Variants in RFC3 observed in about 807,000 individuals in gnomAD.
RFC3 encodes the protein A1 38 kDa subunit.
A neutral mutation model predicts 45.1 loss-of-function variants in RFC3; 41 were observed. The ratio of observed to expected loss-of-function variants is 0.91; its 90% CI spans 0.71 to 1.18. The LOEUF is 1.18. Ranked by LOEUF, RFC3 falls within the 50% of genes most tolerant of loss-of-function variation. RFC3 has a pLI of 0.00. For missense variants in RFC3, 423 were observed against 428.1 expected, an observed-to-expected ratio of 0.99 and a Z score of 0.10; for synonymous variants, 149 against 144.0, an observed-to-expected ratio of 1.03 and a Z score of -0.25.
At chr13:33,876,032 T>C (rs995829545) in intron 8 of RFC3, among the ~76,000 whole-genome samples, 3 of 152,226 alleles carry the variant, frequency 2.0e-5, no homozygotes, top group Non-Finnish European at 2.9e-5. Context: ...ACTACTGATA[T>C]CCGTTATCCT....
intron 8 of RFC3, among the ~76,000 whole-genome samples, chr13:33,917,999 TG>T (rs2082744060): frequency 6.6e-6 from 1 of 152,114 alleles, no homozygotes. Flanking sequence ...CTGTTAAGTA[TG>T]TAACATATGC....
intron 8 of RFC3, among the ~76,000 whole-genome samples, chr13:33,887,313 T>G (rs1017833789): frequency 6.6e-6 from 1 of 151,428 alleles, no homozygotes; most frequent in Non-Finnish European, 1.5e-5. Flanking sequence ...CCTGACTTTT[T>G]AATGATTGCC....
intron 8 of RFC3, among the ~76,000 whole-genome samples, chr13:33,947,265 G>C (rs1459221924): frequency 6.6e-6 from 1 of 152,184 alleles, no homozygotes; most frequent in Non-Finnish European, 1.5e-5. Context: ...AGTCTCATGA[G>C]ATCTGATGGT....
At chr13:33,953,945 G>A (rs2083005595) in intron 8 of RFC3, among the ~76,000 whole-genome samples, 1 of 152,170 alleles carries the variant, frequency 6.6e-6, no homozygotes, top group African/African-American at 2.4e-5. Flanking sequence ...TCCCTTTTAA[G>A]TTTAAAAGAT....
chr13:33,853,407 G>T (rs1170320725), intron 8 of RFC3, among the ~76,000 whole-genome samples: 1 of 152,140 alleles, frequency 6.6e-6, no homozygotes, highest in Non-Finnish European at 1.5e-5. Flanking sequence ...TCAACTAAAT[G>T]ACATTATTAG....
intron 3 of RFC3, among the ~76,000 whole-genome samples, chr13:33,824,242 A>G (rs1274055691): frequency 6.6e-6 from 1 of 152,122 alleles, no homozygotes; most frequent in Non-Finnish European, 1.5e-5. Flanking sequence ...CACACAGTAC[A>G]TTGTATTGTC....
At position 33,899,184 on chromosome 13, in the gene RFC3, CA is replaced by C. The variant is rs1156923497; in HGVS notation, c.879+63968del. On this transcript the variant is annotated intron_variant, in intron 8 of 8. Transcript: ENST00000434425. ...GCCAGCATTACCCTGATAACAAAAC[CA>C]GACGAAGACACAATAAGACAAAAAA... 7.1e-4 allele frequency among the ~76,000 whole-genome samples: 78 copies of C among 109,436 alleles called. No homozygotes were observed. In the Admixed American group the frequency reaches 7.8e-3, roughly 11 times the overall value. 71.8% of individuals were successfully genotyped at this position (109,436 alleles called of 152,430 possible). A position where few individuals can be genotyped will look rare whatever the true frequency, so the allele number is the denominator to read the frequency against.
intron 8 of RFC3, among the ~76,000 whole-genome samples, chr13:33,876,325 G>A (rs80212977): frequency 0.014 from 2,162 of 152,206 alleles, 55 homozygotes; most frequent in African/African-American, 0.046. Context: ...CTCCCTGAAG[G>A]CAAAAAGCAC....
rs976010281 is a variant in RFC3, at chr13:33,844,181, T to A, written c.879+8964T>A. Reference sequence around the variant, plus strand: ...GTTCAAGCTCTCTTGTTCTCTCTTTTAAAGGATTGCCTCTATCATTTTGTA... The same window carrying A: ...GTTCAAGCTCTCTTGTTCTCTCTTTAAAAGGATTGCCTCTATCATTTTGTA... On this transcript the variant is annotated intron_variant, in intron 8 of 8. Transcript: ENST00000434425. 2.0e-5 allele frequency among the ~76,000 whole-genome samples: 3 copies of A among 152,248 alleles called. 1 individual carries two copies. The highest frequency in any genetic ancestry group is 2.0e-4 in the Admixed American group (3 of 15,286).
At position 33,906,942 on chromosome 13, in the gene RFC3, C is replaced by T. The variant is rs374119436; in HGVS notation, c.880-59145C>T. Among the ~76,000 whole-genome samples, 15 of 152,170 alleles carry T rather than the reference C, an allele frequency of 9.9e-5. No individual in the cohort carries two copies. In the East Asian group the frequency reaches 1.7e-3, roughly 18 times the overall value. On this transcript the variant is annotated intron_variant, in intron 8 of 8. Coordinates refer to the RFC3 transcript ENST00000434425. ...GTCCCGAGTTCAGGTGGTCTTTCCA[C>T]CTCAGCCTCCAAAGTAGCTGAGACT...
intron 8 of RFC3, among the ~76,000 whole-genome samples, chr13:33,870,417 G>A (rs544186534): frequency 6.6e-6 from 1 of 152,316 alleles, no homozygotes; most frequent in African/African-American, 2.4e-5. Context: ...GGCAAAATAA[G>A]AAATAGCTGA....
intron 8 of RFC3, among the ~76,000 whole-genome samples, chr13:33,908,174 A>AAC (rs1180412121): frequency 4.6e-5 from 7 of 151,980 alleles, no homozygotes; most frequent in African/African-American, 1.7e-4. Flanking sequence ...TCTGAAAAAA[A>AAC]ACACACACAC....
chr13:33,898,039 C>G (rs2082613053), intron 8 of RFC3, among the ~76,000 whole-genome samples: 1 of 151,852 alleles, frequency 6.6e-6, no homozygotes, highest in Non-Finnish European at 1.5e-5. Context: ...GAGAAATAGA[C>G]TGTGATACAA....
chr13:33,964,534 C>T (rs1428754161), intron 8 of RFC3, among the ~76,000 whole-genome samples: 4 of 152,184 alleles, frequency 2.6e-5, no homozygotes, highest in Admixed American at 6.5e-5. Context: ...GGGAAATAAA[C>T]GCCATAGCAT....
intron 8 of RFC3, among the ~76,000 whole-genome samples, chr13:33,851,456 G>C (rs2082276175): frequency 6.6e-6 from 1 of 152,044 alleles, no homozygotes; most frequent in Non-Finnish European, 1.5e-5. Context: ...TTACCATAAA[G>C]TCAGATAAGA....
chr13:33,896,487 G>T (rs994458806), intron 8 of RFC3, among the ~76,000 whole-genome samples: 1 of 151,662 alleles, frequency 6.6e-6, no homozygotes, highest in Non-Finnish European at 1.5e-5. Flanking sequence ...ACTTTGGGAG[G>T]CCAAGAAGGG....
chr13:33,941,974 G>A (rs950376528), intron 8 of RFC3, among the ~76,000 whole-genome samples: 2 of 152,020 alleles, frequency 1.3e-5, no homozygotes, highest in East Asian at 1.9e-4. Context: ...CTATCTTCCT[G>A]TTCAGTAATA....
At chr13:33,838,410 A>G (rs2082173825), downstream of RFC3, among the ~76,000 whole-genome samples, 1 of 152,040 alleles carries the variant, frequency 6.6e-6, no homozygotes, top group East Asian at 1.9e-4. Flanking sequence ...GTAGTTTACC[A>G]TTTATAGGAT....
Position 33,948,158 on chromosome 13 carries a change from G to A in RFC3, c.880-17929G>A, listed in dbSNP as rs147565517. ...AAAATGGTTTTGTGGGCTGAGCCCA[G>A]GGACCCCCTGCTCCATGCAGCCTTG... is the stretch of plus-strand genomic sequence containing the variant. On this transcript the variant is annotated intron_variant, in intron 8 of 8. Transcript: ENST00000434425. 2.5e-3 allele frequency among the ~76,000 whole-genome samples: 385 copies of A among 152,306 alleles called. 4 individuals are homozygous for A. Among genetic ancestry groups the A allele is most frequent in the African/African-American group, 8.7e-3 (360 of 41,556 alleles).
Sources: allele counts gnomAD v4.1 joint callset (sites outside exome capture counted in the v4.1 genomes callset), GRCh38; gene constraint gnomAD v4.1.1; transcripts MANE v1.5; gene names NCBI Gene and HGNC (gene_info 2026-07-23, HGNC 2026-07-21).